The following UNC13C variants were observed in gnomAD, a reference collection of about 807,000 sequenced individuals.
UNC13C encodes unc-13 homolog C, also known as protein unc-13 homolog C.
A neutral mutation model predicts 245.4 loss-of-function variants in UNC13C; 174 were observed. That is an observed-to-expected ratio of 0.71 (90% CI 0.63 to 0.80). The LOEUF (loss-of-function observed/expected upper bound fraction) is 0.80. Among genes scored for constraint, UNC13C ranks in the 30% least tolerant of loss-of-function variants. The probability of loss-of-function intolerance (pLI) is 0.00; values close to 1 mark genes in which losing one functional copy is unlikely to be tolerated. For missense variants in UNC13C, 2,829 were observed against 2,602.9 expected, an observed-to-expected ratio of 1.09 and a Z score of -1.89; for synonymous variants, 992 against 895.1, an observed-to-expected ratio of 1.11 and a Z score of -1.93.
chr15:53,865,917 G>A, the UNC13C span, among the ~76,000 whole-genome samples: 2 of 152,020 alleles, frequency 1.3e-5, no homozygotes, highest in African/African-American at 4.8e-5. Flanking sequence ...AGAAAAGTGT[G>A]AATAAAGTTC....
chr15:54,503,684 T>G (rs1894334895), intron 22 of UNC13C, among the ~76,000 whole-genome samples: 1 of 152,154 alleles, frequency 6.6e-6, no homozygotes, highest in Non-Finnish European at 1.5e-5. Context: ...TATCTATAAT[T>G]TGTATTTTAT....
chr15:54,371,056 A>G (rs989615476), intron 17 of UNC13C, among the ~76,000 whole-genome samples: 9 of 152,172 alleles, frequency 5.9e-5, no homozygotes, highest in African/African-American at 2.2e-4. Flanking sequence ...CTTTTCAAGA[A>G]TGCAACACAT....
At chr15:53,879,349 A>G in the UNC13C span, among the ~76,000 whole-genome samples, 2 of 152,072 alleles carry the variant, frequency 1.3e-5, no homozygotes, top group Non-Finnish European at 2.9e-5. Context: ...ATTTTAGTAG[A>G]GTGGGTTCTT....
At chr15:54,544,456 G>T (rs1018587184) in intron 26 of UNC13C, among the ~76,000 whole-genome samples, 2 of 152,124 alleles carry the variant, frequency 1.3e-5, no homozygotes, top group African/African-American at 2.4e-5. Flanking sequence ...GGGCAATGAG[G>T]CAAGAGAAAG....
chr15:54,383,140 T>C (rs2039763561), intron 17 of UNC13C, among the ~76,000 whole-genome samples: 1 of 152,184 alleles, frequency 6.6e-6, no homozygotes, highest in South Asian at 2.1e-4. Flanking sequence ...AATACCACTT[T>C]TTCTTAAACT....
chr15:54,408,199 CAAAAAAAAAAA>C (rs71105808), intron 18 of UNC13C, among the ~76,000 whole-genome samples: 34 of 29,124 alleles, frequency 1.2e-3, no homozygotes, highest in Non-Finnish European at 1.6e-3. Flanking sequence ...GACTCTGCCT[CAAAAAAAAAAA>C]AAAAAAAAAA....
At chr15:54,268,399 A>G (rs564397280) in intron 10 of UNC13C, among the ~76,000 whole-genome samples, 3 of 152,066 alleles carry the variant, frequency 2.0e-5, no homozygotes, top group Non-Finnish European at 2.9e-5. Flanking sequence ...CAATTCTAAC[A>G]TCTATGTCCA....
At chr15:54,323,094 ATTTAG>A (rs760187387) in intron 14 of UNC13C, among the ~76,000 whole-genome samples, 11 of 151,560 alleles carry the variant, frequency 7.3e-5, no homozygotes, top group Non-Finnish European at 1.5e-4. Flanking sequence ...TGCACTTCCA[ATTTAG>A]TTTACTGAAT....
chr15:54,595,652 A>G (rs1210230117), intron 30 of UNC13C, among the ~76,000 whole-genome samples: 1 of 152,172 alleles, frequency 6.6e-6, no homozygotes, highest in African/African-American at 2.4e-5. Context: ...ATCTAAGGCA[A>G]TTGTGTTCAG....
chr15:54,455,205 C>CTCTCTATATATATATATA (rs1388065398), intron 19 of UNC13C, among the ~76,000 whole-genome samples: 10 of 18,954 alleles, frequency 5.3e-4, no homozygotes, highest in Admixed American at 8.8e-4. Flanking sequence ...CTCTCTCTCT[C>CTCTCTATATATATATATA]TATATATATA....
chr15:54,519,880 A>G (rs1895142034), intron 24 of UNC13C, among the ~76,000 whole-genome samples: 1 of 152,146 alleles, frequency 6.6e-6, no homozygotes, highest in African/African-American at 2.4e-5. Flanking sequence ...TTTTTGCTGA[A>G]TTCTCAGTCA....
Position 54,014,908 on chromosome 15 carries a change from G to C in UNC13C, c.2005G>C (p.Asp669His), listed in dbSNP as rs1895570574. Residue 669 changes from aspartate to histidine, a missense_variant, in exon 2 of 33, where the codon GAT becomes CAT. Physicochemically the swap from Asp to His is moderately conservative, Grantham distance 81. Coordinates refer to ENST00000260323, the MANE Select transcript of UNC13C (RefSeq NM_001080534.3). ...EWNQGADLGLDSSTQEGFDYE... is the reference protein window; with the variant it reads ...EWNQGADLGLHSSTQEGFDYE... ...GAATCAAGGAGCTGATTTAGGCTTG[G>C]ATTCATCCACCCAGGAAGGTTTTGA... The C allele has an allele frequency of 4.3e-6, 7 of 1,613,892 alleles. No individual in the cohort carries two copies. Among genetic ancestry groups the C allele is most frequent in the Non-Finnish European group, 5.9e-6 (7 of 1,179,848 alleles).
rs1229276013 is a variant in UNC13C, at chr15:54,626,967, G to A, written c.6499G>A (p.Ala2167Thr). Residue 2167 changes from alanine to threonine, a missense_variant, in exon 33 of 33, where the codon GCA becomes ACA. Ala to Thr is a moderately conservative substitution (Grantham distance 58). Transcript: ENST00000260323. ...QNIAEKGSYG[A>T]WYPLLKNISM... ...CATAGCAGAAAAGGGAAGCTATGGG[G>A]CATGGTATCCTCTTCTGAAAAATAT... 6.2e-7 allele frequency: 1 copy of A among 1,613,466 alleles called. No individual in the cohort carries two copies. The highest frequency in any genetic ancestry group is 1.1e-5 in the South Asian group (1 of 91,072).
chr15:54,464,373 A>G (rs1380282808), intron 19 of UNC13C, among the ~76,000 whole-genome samples: 1 of 152,136 alleles, frequency 6.6e-6, no homozygotes, highest in East Asian at 1.9e-4. Flanking sequence ...CTGAGCTATC[A>G]TTTATCTTCC....
intron 1 of UNC13C, among the ~76,000 whole-genome samples, chr15:53,989,537 T>A (rs1894290078): frequency 6.6e-6 from 1 of 152,076 alleles, no homozygotes; most frequent in South Asian, 2.1e-4. Context: ...CTTTGGCAAA[T>A]GTAGGATATT....
intron 19 of UNC13C, among the ~76,000 whole-genome samples, chr15:54,491,245 T>G (rs1893689492): frequency 6.6e-6 from 1 of 152,210 alleles, no homozygotes; most frequent in African/African-American, 2.4e-5. Flanking sequence ...TCCTAACATT[T>G]GCAGAGGCAA....
At chr15:54,327,170 G>T (rs897723945) in intron 14 of UNC13C, among the ~76,000 whole-genome samples, 9 of 151,922 alleles carry the variant, frequency 5.9e-5, no homozygotes, top group Non-Finnish European at 1.3e-4. Context: ...TTTATTTAGT[G>T]AATTATCTTG....
chr15:54,572,598 A>AT (rs1221366873), intron 30 of UNC13C, among the ~76,000 whole-genome samples: 2 of 150,438 alleles, frequency 1.3e-5, no homozygotes, highest in African/African-American at 2.4e-5. Flanking sequence ...GCATTTTTGT[A>AT]TTTTTTTTAG....
At chr15:54,024,698 C>G (rs1896033478) in intron 2 of UNC13C, among the ~76,000 whole-genome samples, 1 of 152,026 alleles carries the variant, frequency 6.6e-6, no homozygotes, top group Non-Finnish European at 1.5e-5. Flanking sequence ...GCGGGCGGAT[C>G]ACGAGGTCAG....
Sources: gnomAD v4.1 joint callset for allele counts (sites outside exome capture counted in the v4.1 genomes callset) on GRCh38, gnomAD v4.1.1 for gene constraint, MANE v1.5 for transcripts, NCBI Gene and HGNC (gene_info 2026-07-23, HGNC 2026-07-21) for gene names.